Variants in FAM227B observed in about 807,000 individuals in gnomAD.
FAM227B encodes family with sequence similarity 227 member B.
FAM227B carries 88 observed loss-of-function variants against 73.8 expected under a neutral mutation model. That is an observed-to-expected ratio of 1.19 (90% CI 1.00 to 1.42). FAM227B has a LOEUF of 1.42. Among genes scored for constraint, FAM227B ranks in the 40% most tolerant of loss-of-function variants. FAM227B has a pLI of 0.00. For synonymous variants in FAM227B, 210 were observed against 190.5 expected (o/e 1.10, Z -0.84); for missense variants, 632 against 590.9 (o/e 1.07, Z -0.72).
intron 11 of FAM227B, among the ~76,000 whole-genome samples, chr15:49,427,125 C>T (rs555922604): frequency 1.3e-5 from 2 of 151,968 alleles, no homozygotes; most frequent in South Asian, 2.1e-4. Flanking sequence ...GAAGGGTAGC[C>T]TTACTATAAT....
intron 11 of FAM227B, chr15:49,396,440 A>C (rs1243549614): frequency 2.0e-5 from 4 of 195,128 alleles, no homozygotes; most frequent in Non-Finnish European, 3.2e-5. Flanking sequence ...GCCATTGCCC[A>C]GGCTTGATTA....
chr15:49,404,172 G>A (rs1188426915), intron 11 of FAM227B, among the ~76,000 whole-genome samples: 1 of 152,032 alleles, frequency 6.6e-6, no homozygotes, highest in African/African-American at 2.4e-5. Flanking sequence ...GGAATGTTCT[G>A]TGTTCAATTA....
chr15:49,563,032 C>T (rs2074379252), intron 9 of FAM227B, among the ~76,000 whole-genome samples: 1 of 152,008 alleles, frequency 6.6e-6, no homozygotes. Context: ...AAAAGGCATA[C>T]AAATAGTAAA....
chr15:49,360,899 C>G (rs544299363), intron 13 of FAM227B, among the ~76,000 whole-genome samples: 10 of 152,256 alleles, frequency 6.6e-5, no homozygotes, highest in African/African-American at 2.4e-4. Flanking sequence ...CTCCAGTCCT[C>G]TCCATACATA....
At chr15:49,521,668 GGA>G (rs936426821) in intron 10 of FAM227B, among the ~76,000 whole-genome samples, 2 of 152,160 alleles carry the variant, frequency 1.3e-5, no homozygotes, top group African/African-American at 4.8e-5. Flanking sequence ...TTGGAGCTGG[GGA>G]GAGAGTTTCT....
chr15:49,339,578 C>T (rs2040351727), intron 13 of FAM227B, among the ~76,000 whole-genome samples: 1 of 152,146 alleles, frequency 6.6e-6, no homozygotes, highest in African/African-American at 2.4e-5. Context: ...TGGGAGGTGC[C>T]TCCCAGTCAG....
intron 11 of FAM227B, among the ~76,000 whole-genome samples, chr15:49,403,176 T>C (rs1021632558): frequency 6.6e-6 from 1 of 152,182 alleles, no homozygotes; most frequent in African/African-American, 2.4e-5. Context: ...CTCGATTTAG[T>C]TTGCCAGTAT....
At chr15:49,448,674 CAT>C (rs145584113) in intron 11 of FAM227B, among the ~76,000 whole-genome samples, 113 of 149,074 alleles carry the variant, frequency 7.6e-4, no homozygotes, top group African/African-American at 2.3e-3. Context: ...CACATATGTA[CAT>C]ATATATATAT....
At chr15:49,515,579 T>C (rs2059320907) in intron 10 of FAM227B, among the ~76,000 whole-genome samples, 1 of 152,142 alleles carries the variant, frequency 6.6e-6, no homozygotes, top group Admixed American at 6.6e-5. Flanking sequence ...AGGTAAGTAG[T>C]TTTAACGCCT....
In FAM227B at chr15:49,611,211, T is replaced by C; in HGVS notation, c.105+4A>G. On this transcript the variant is annotated splice_donor_region_variant and intron_variant, in intron 3 of 15. Transcript: ENST00000299338. ...TGGCACATAAAATAAGATGCTTTAC[T>C]CACCCAATTTTGAAACTTTAAGAAT... The C allele has an allele frequency of 6.4e-7, 1 of 1,569,200 alleles. No individual in the cohort carries two copies. The highest frequency in any genetic ancestry group is 8.8e-7 in the Non-Finnish European group (1 of 1,142,034).
At chr15:49,566,356 TA>T (rs555041147) in intron 9 of FAM227B, among the ~76,000 whole-genome samples, 2 of 152,286 alleles carry the variant, frequency 1.3e-5, no homozygotes, top group South Asian at 4.1e-4. Context: ...ACAAGGTGAA[TA>T]AAGGGAACTT....
chr15:49,395,962 G>A, intron 11 of FAM227B: 1 of 455,986 alleles, frequency 2.2e-6, no homozygotes. Flanking sequence ...AACAAAATGT[G>A]GGTTAATCTT....
At chr15:49,367,348 A>G in intron 13 of FAM227B, 100 bp downstream of exon 13, 1 of 1,056,174 alleles carries the variant, frequency 9.5e-7, no homozygotes, top group Non-Finnish European at 1.3e-6. Flanking sequence ...CATTGATAAA[A>G]CATGCATTCA....
rs143834769 is a variant in FAM227B, at chr15:49,541,800, G to T, written c.754C>A (p.Pro252Thr). Reference sequence around the variant, plus strand: ...TATATGGCTTGTGCCAAACAATCAGGATATATCTACCAAAATAAAATCAAA... The same window carrying T: ...TATATGGCTTGTGCCAAACAATCAGTATATATCTACCAAAATAAAATCAAA... ...SRKDAFFQIYPDCLAQAIYAT... is the reference protein window; with the variant it reads ...SRKDAFFQIYTDCLAQAIYAT... Residue 252 changes from proline (P) to threonine (T), a missense_variant, in exon 10 of 16, where the codon CCT becomes ACT. Physicochemically the swap from Pro to Thr is conservative, Grantham distance 38. Coordinates refer to ENST00000299338, the MANE Select transcript of FAM227B (RefSeq NM_152647.3). The T allele has an allele frequency of 7.0e-7, 1 of 1,426,892 alleles. No homozygotes were observed. Among genetic ancestry groups the T allele is most frequent in the South Asian group, 1.9e-5 (1 of 53,598 alleles). The allele number at this position is 1,426,892 out of a possible 1,614,324, so 88.4% of individuals were successfully genotyped here.
At position 49,508,273 on chromosome 15, in the gene FAM227B, T is replaced by A; in HGVS notation, c.950A>T (p.Lys317Ile). ...CTTTACTGATTTTGCAGGTGCTTTT[T>A]TGCTACCATGAATGGTGGTTGTGGA... ...ELSTTTIHGS[K>I]KAPAKSVKER... The change falls in exon 11 of 16, where the codon AAA becomes ATA. Residue 317 changes from lysine (K) to isoleucine (I), a missense_variant. Coordinates refer to ENST00000299338, the MANE Select transcript of FAM227B (RefSeq NM_152647.3). The A allele has an allele frequency of 1.2e-6, 2 of 1,611,422 alleles. No individual in the cohort carries two copies. The highest frequency in any genetic ancestry group is 1.7e-6 in the Non-Finnish European group (2 of 1,178,856).
Position 49,328,176 on chromosome 15 carries a change from TGA to T in FAM227B, c.*390_*391del, listed in dbSNP as rs1225984312. 2 of 1,605,482 alleles carry T rather than the reference TGA, an allele frequency of 1.2e-6. No individual in the cohort carries two copies. The highest frequency in any genetic ancestry group is 2.2e-5 in the South Asian group (2 of 89,948). Reference sequence around the variant, plus strand: ...GAGGCCTGAAAAAATGTAAAAAGTCTGAGAGAAACTACTTAGGGCACTTAGGA... The same window carrying T: ...GAGGCCTGAAAAAATGTAAAAAGTCTGAGAAACTACTTAGGGCACTTAGGA... On this transcript the variant is annotated 3_prime_UTR_variant, in exon 16 of 16. Transcript: ENST00000299338.
chr15:49,428,871 T>C (rs748112529), intron 11 of FAM227B, among the ~76,000 whole-genome samples: 2 of 152,018 alleles, frequency 1.3e-5, no homozygotes, highest in Non-Finnish European at 2.9e-5. Context: ...ATATTCTCTT[T>C]TGGACTGTTA....
chr15:49,557,478 G>A (rs1011232055), intron 9 of FAM227B, among the ~76,000 whole-genome samples: 9 of 152,134 alleles, frequency 5.9e-5, no homozygotes, highest in Non-Finnish European at 8.8e-5. Flanking sequence ...AGTTTAAGAC[G>A]ACAGATGGGA....
At chr15:49,512,083 A>G (rs924697015) in intron 10 of FAM227B, among the ~76,000 whole-genome samples, 5 of 152,140 alleles carry the variant, frequency 3.3e-5, no homozygotes, top group African/African-American at 1.2e-4. Flanking sequence ...GTTCTGGGGT[A>G]CATGTGCAGA....
Sources: allele counts gnomAD v4.1 joint callset (sites outside exome capture counted in the v4.1 genomes callset), GRCh38; gene constraint gnomAD v4.1.1; transcripts MANE v1.5; gene names NCBI Gene and HGNC (gene_info 2026-07-23, HGNC 2026-07-21).